The following DLC1 variants were observed in gnomAD, a reference collection of about 807,000 sequenced individuals.
DLC1 encodes rho GTPase-activating protein 7.
DLC1 carries 54 observed loss-of-function variants against 140.3 expected under a neutral mutation model. The ratio of observed to expected loss-of-function variants is 0.38; its 90% CI spans 0.31 to 0.48. DLC1 has a LOEUF of 0.48. Ranked by LOEUF, DLC1 falls within the 20% of genes least tolerant of loss-of-function variation. The pLI is 0.96. For synonymous variants in DLC1, 986 were observed against 728.1 expected (o/e 1.35, Z -5.70); for missense variants, 2,536 against 1,907.0 (o/e 1.33, Z -6.14).
chr8:13,314,835 A>G (rs538760152), intron 4 of DLC1, among the ~76,000 whole-genome samples: 14 of 152,346 alleles, frequency 9.2e-5, no homozygotes, highest in African/African-American at 3.1e-4. Flanking sequence ...GTGACTTCAT[A>G]AAGTGGGCTC....
chr8:13,455,037 C>T (rs142549492), intron 2 of DLC1, among the ~76,000 whole-genome samples: 63 of 152,072 alleles, frequency 4.1e-4, no homozygotes, highest in African/African-American at 1.2e-3. Context: ...AGACTTGCAA[C>T]AAATGTTTGT....
rs1259292572 is a variant in DLC1 at position 13,494,440 on chromosome 8, C to T, written c.1023+4609G>A. Among the ~76,000 whole-genome samples the T allele has an allele frequency of 3.3e-5, 5 of 152,096 alleles. No individual in the cohort carries two copies. In the East Asian group the frequency reaches 5.8e-4, roughly 18 times the overall value. ...CTGGGTACTGCCTGTACACAGGGTG[C>T]GATCACCCCTGTAGCCTTTTGCCTT... On this transcript the variant is annotated intron_variant, in intron 2 of 17. Transcript: ENST00000276297.
At chr8:13,572,340 T>C (rs1804689721) in intron 1 of DLC1, among the ~76,000 whole-genome samples, 1 of 152,120 alleles carries the variant, frequency 6.6e-6, no homozygotes, top group Non-Finnish European at 1.5e-5. Flanking sequence ...CCACCTGCCT[T>C]GGTGTCCCAA....
chr8:13,365,738 G>A (rs933781202), intron 4 of DLC1, among the ~76,000 whole-genome samples: 4 of 151,972 alleles, frequency 2.6e-5, no homozygotes, highest in Admixed American at 1.3e-4. Flanking sequence ...CGGAATGTGA[G>A]GCATGTCTCA....
At position 13,579,245 on chromosome 8, in the gene DLC1, C is replaced by CATACAT. The variant is rs1554546967; in HGVS notation, c.-126+25291_-126+25292insATGTAT. Among the ~76,000 whole-genome samples the CATACAT allele has an allele frequency of 4.2e-4, 8 of 18,898 alleles. 3 individuals are homozygous for CATACAT. Among genetic ancestry groups the CATACAT allele is most frequent in the South Asian group, 6.2e-3 (2 of 324 alleles). 12.4% of individuals were successfully genotyped at this position (18,898 alleles called of 152,430 possible). The stretch of plus-strand genomic sequence containing the variant: ...GGAGCTCTAATTGAGGAACAGGGAG[C>CATACAT]ATATATATATATATATATATATATG... On this transcript the variant is annotated intron_variant, in intron 1 of 1. Transcript: ENST00000631382.
chr8:13,397,311 G>C (rs1460949906), intron 3 of DLC1, among the ~76,000 whole-genome samples: 1 of 152,148 alleles, frequency 6.6e-6, no homozygotes, highest in Non-Finnish European at 1.5e-5. Flanking sequence ...TAAGATTTCA[G>C]GGGCAGATAT....
chr8:13,176,496 G>T (rs1468067447), intron 5 of DLC1, among the ~76,000 whole-genome samples: 7 of 152,118 alleles, frequency 4.6e-5, no homozygotes, highest in Admixed American at 2.6e-4. Context: ...GGAGAATGGT[G>T]TGAACCCGGC....
At chr8:13,352,859 A>T (rs1834738331) in intron 4 of DLC1, among the ~76,000 whole-genome samples, 1 of 152,210 alleles carries the variant, frequency 6.6e-6, no homozygotes. Context: ...ACCTACCAGG[A>T]ACACGAGTAT....
intron 1 of DLC1, chr8:13,567,474 A>T (rs1804487855): frequency 6.4e-7 from 1 of 1,552,096 alleles, no homozygotes; most frequent in African/African-American, 1.4e-5. Flanking sequence ...CTTCAGAGAG[A>T]GATGCCTTTA....
chr8:13,529,292 T>A (rs892732034), intron 1 of DLC1, among the ~76,000 whole-genome samples: 1 of 152,168 alleles, frequency 6.6e-6, no homozygotes, highest in Non-Finnish European at 1.5e-5. Flanking sequence ...TAAAGATAAT[T>A]ATAACAATTA....
chr8:13,240,354 C>G (rs948219820), intron 5 of DLC1, among the ~76,000 whole-genome samples: 1 of 152,192 alleles, frequency 6.6e-6, no homozygotes, highest in Non-Finnish European at 1.5e-5. Flanking sequence ...CCTCAAATGT[C>G]TTCCTCAAGA....
intron 2 of DLC1, among the ~76,000 whole-genome samples, chr8:13,405,634 T>A (rs1837494425): frequency 6.6e-6 from 1 of 152,174 alleles, no homozygotes; most frequent in African/African-American, 2.4e-5. Flanking sequence ...GTTAAACATT[T>A]TAAATTTTAT....
chr8:13,112,946 A>G (rs749563996), intron 6 of DLC1, among the ~76,000 whole-genome samples: 38 of 152,228 alleles, frequency 2.5e-4, no homozygotes, highest in Non-Finnish European at 4.6e-4. Flanking sequence ...CTATAAATGT[A>G]AATTGAAATT....
At chr8:13,419,464 G>T (rs1260820543) in intron 2 of DLC1, among the ~76,000 whole-genome samples, 1 of 152,152 alleles carries the variant, frequency 6.6e-6, no homozygotes, top group Non-Finnish European at 1.5e-5. Context: ...TGCATATGTT[G>T]AGATAATCAT....
intron 5 of DLC1, among the ~76,000 whole-genome samples, chr8:13,195,908 A>G (rs1827022707): frequency 6.6e-6 from 1 of 152,180 alleles, no homozygotes; most frequent in Non-Finnish European, 1.5e-5. Context: ...TAATTTTGCC[A>G]ATTTAGGACA....
intron 5 of DLC1, among the ~76,000 whole-genome samples, chr8:13,178,651 G>T (rs1399040593): frequency 6.9e-6 from 1 of 145,244 alleles, no homozygotes; most frequent in Admixed American, 6.9e-5. Flanking sequence ...GTGGAAGAAG[G>T]TTTTTTTTTT....
At chr8:13,285,621 C>T (rs1831512381) in intron 5 of DLC1, among the ~76,000 whole-genome samples, 2 of 152,074 alleles carry the variant, frequency 1.3e-5, no homozygotes, top group South Asian at 4.1e-4. Context: ...GATACCATCA[C>T]ATACTAAAAT....
intron 2 of DLC1, among the ~76,000 whole-genome samples, chr8:13,471,974 C>T (rs1800229170): frequency 1.3e-5 from 2 of 152,144 alleles, no homozygotes; most frequent in Admixed American, 1.3e-4. Flanking sequence ...TGAGCTAACA[C>T]CCTTCAAAAA....
intron 2 of DLC1, among the ~76,000 whole-genome samples, chr8:13,469,410 T>C (rs1800104659): frequency 6.6e-6 from 1 of 152,178 alleles, no homozygotes; most frequent in Admixed American, 6.5e-5. Context: ...CTCTGAGTCA[T>C]AGCTGTAACT....
Sources: allele counts gnomAD v4.1 joint callset (sites outside exome capture counted in the v4.1 genomes callset), GRCh38; gene constraint gnomAD v4.1.1; transcripts MANE v1.5; gene names NCBI Gene and HGNC (gene_info 2026-07-23, HGNC 2026-07-21).